The following TBC1D5 variants were observed in gnomAD, a reference collection of about 807,000 sequenced individuals.
TBC1D5 encodes the protein TBC1 domain family, member 5.
In TBC1D5, 75 loss-of-function variants were observed where a neutral mutation model predicts 100.3. That is an observed-to-expected ratio of 0.75 (90% confidence interval 0.62 to 0.91). TBC1D5 has a LOEUF of 0.91. Among genes scored for constraint, TBC1D5 ranks in the 40% least tolerant of loss-of-function variants. The probability of loss-of-function intolerance (pLI) is 0.00; values close to 1 mark genes in which losing one functional copy is unlikely to be tolerated. For missense variants in TBC1D5, 910 were observed against 942.4 expected, an observed-to-expected ratio of 0.97 and a Z score of 0.45; for synonymous variants, 323 against 325.6, an observed-to-expected ratio of 0.99 and a Z score of 0.09.
intron 13 of TBC1D5, among the ~76,000 whole-genome samples, chr3:17,328,103 C>T (rs1253889570): frequency 6.6e-6 from 1 of 151,884 alleles, no homozygotes; most frequent in Non-Finnish European, 1.5e-5. Flanking sequence ...GACACTGTAT[C>T]TACAAAAATT....
intron 13 of TBC1D5, among the ~76,000 whole-genome samples, chr3:17,329,214 A>C (rs2086579734): frequency 6.6e-6 from 1 of 152,186 alleles, no homozygotes; most frequent in African/African-American, 2.4e-5. Flanking sequence ...TGATAACTTG[A>C]TTACTTCAGA....
intron 3 of TBC1D5, among the ~76,000 whole-genome samples, chr3:17,470,790 C>T (rs13058774): frequency 0.12 from 18,911 of 151,904 alleles, 1,643 homozygotes; most frequent in Non-Finnish European, 0.19. Flanking sequence ...GGTGTGGTGG[C>T]GGGCACCTGT....
At position 17,170,533 on chromosome 3, in the gene TBC1D5, C is replaced by T. The variant is rs776799272; in HGVS notation, c.1853-2705G>A. Among the ~76,000 whole-genome samples the T allele has an allele frequency of 3.9e-5, 6 of 152,288 alleles. No homozygotes were observed. The East Asian group carries it at 7.7e-4, about 20-fold the overall frequency. ...TCCTGCTTGCCTCTTTGATAGTCTG[C>T]TGTGGAACACATCCTAAAACGAAAA... On this transcript the variant is annotated intron_variant, in intron 19 of 21. Transcript: ENST00000253692.
chr3:17,225,194 T>C (rs2074721765), intron 17 of TBC1D5, among the ~76,000 whole-genome samples: 1 of 151,976 alleles, frequency 6.6e-6, no homozygotes, highest in Non-Finnish European at 1.5e-5. Flanking sequence ...ATCCCAGCAC[T>C]TTGGGAGGCC....
At chr3:17,316,772 T>C (rs572554422) in intron 13 of TBC1D5, among the ~76,000 whole-genome samples, 3 of 152,318 alleles carry the variant, frequency 2.0e-5, no homozygotes, top group African/African-American at 7.2e-5. Context: ...GCAATACTCA[T>C]CTTCACTGAC....
rs148278909 is a variant in TBC1D5 at position 17,616,157 on chromosome 3, T to C, written c.-36+7692A>G. On this transcript the variant is annotated intron_variant, in intron 2 of 21. Transcript: ENST00000253692. ...CATTTCGTTATTTACCCAGTAGTCA[T>C]TCAGGAGCAAATTGTTCAGTTTCCA... 3.7e-3 allele frequency among the ~76,000 whole-genome samples: 566 copies of C among 152,344 alleles called. 2 individuals carry two copies. Among genetic ancestry groups the C allele is most frequent in the Non-Finnish European group, 6.0e-3 (406 of 68,022 alleles).
chr3:17,403,114 G>C (rs1367999020), intron 8 of TBC1D5, 67 bp downstream of exon 8: 8 of 1,368,758 alleles, frequency 5.8e-6, no homozygotes, highest in Non-Finnish European at 6.9e-6. Context: ...TTTGTGTTTT[G>C]TTAAAATTAG....
At chr3:17,625,041 A>G (rs565263734) in intron 1 of TBC1D5, among the ~76,000 whole-genome samples, 33 of 152,220 alleles carry the variant, frequency 2.2e-4, no homozygotes, top group Admixed American at 1.2e-3. Context: ...ATATGTTTAA[A>G]TAATTTTACC....
At chr3:17,242,494 T>C (rs1431188987) in intron 16 of TBC1D5, among the ~76,000 whole-genome samples, 1 of 152,028 alleles carries the variant, frequency 6.6e-6, no homozygotes, top group African/African-American at 2.4e-5. Flanking sequence ...TTATTTCTTT[T>C]CCTTGTGTTT....
chr3:17,681,562 CG>C (rs898546741), intron 1 of TBC1D5, among the ~76,000 whole-genome samples: 1 of 151,514 alleles, frequency 6.6e-6, no homozygotes, highest in Non-Finnish European at 1.5e-5. Flanking sequence ...TAGTTGTTTT[CG>C]GAAATGTTTT....
intron 8 of TBC1D5, among the ~76,000 whole-genome samples, chr3:17,391,213 T>C (rs1408680503): frequency 6.6e-6 from 1 of 152,132 alleles, no homozygotes; most frequent in Non-Finnish European, 1.5e-5. Flanking sequence ...AAAAACGACA[T>C]AGCTTCTACA....
At chr3:17,160,046 AACTG>A (rs917275339) in exon 22 of TBC1D5, 4 of 151,640 alleles carry the variant, frequency 2.6e-5, no homozygotes, top group South Asian at 2.1e-4. Flanking sequence ...CTGACTAGAA[AACTG>A]ACTGTCTGAA....
chr3:17,326,537 A>G (rs917477145), intron 13 of TBC1D5, among the ~76,000 whole-genome samples: 1 of 152,190 alleles, frequency 6.6e-6, no homozygotes, highest in African/African-American at 2.4e-5. Context: ...TAGCTGTACA[A>G]TCATGGCTTA....
chr3:17,698,847 C>A (rs1474741937), intron 1 of TBC1D5, among the ~76,000 whole-genome samples: 97 of 139,920 alleles, frequency 6.9e-4, no homozygotes, highest in Non-Finnish European at 1.3e-3. Flanking sequence ...CATGAGATAT[C>A]ATCTCACACC....
At chr3:17,552,173 G>A (rs527466931) in intron 2 of TBC1D5, among the ~76,000 whole-genome samples, 3 of 151,244 alleles carry the variant, frequency 2.0e-5, no homozygotes, top group South Asian at 2.1e-4. Flanking sequence ...TTAACACAAG[G>A]ACCTATGATC....
At chr3:17,718,337 T>A (rs937458366) in intron 1 of TBC1D5, among the ~76,000 whole-genome samples, 10 of 152,200 alleles carry the variant, frequency 6.6e-5, no homozygotes, top group Admixed American at 2.6e-4. Flanking sequence ...GGCTCACGCC[T>A]GTAATCCCAG....
chr3:17,687,651 A>T (rs1169380192), intron 1 of TBC1D5, among the ~76,000 whole-genome samples: 1 of 152,124 alleles, frequency 6.6e-6, no homozygotes, highest in East Asian at 1.9e-4. Flanking sequence ...ATTCAAAGTC[A>T]CCTCATATTC....
Position 17,382,260 on chromosome 3 carries a change from G to T in TBC1D5, c.612+1653C>A, listed in dbSNP as rs532424896. Among the ~76,000 whole-genome samples, 6 of 152,100 alleles carry T rather than the reference G, an allele frequency of 3.9e-5. No homozygotes were observed. The South Asian group carries it at 1.0e-3, about 26-fold the overall frequency. On this transcript the variant is annotated intron_variant, in intron 9 of 21. Coordinates refer to ENST00000253692, the Ensembl canonical transcript of TBC1D5. ...AAAGATTAAAAAGGTTAAGTAAATT[G>T]TCTAAGATTGTGAAGTTAGTAAATG...
chr3:17,597,531 G>C (rs1297942317), intron 2 of TBC1D5, among the ~76,000 whole-genome samples: 1 of 152,002 alleles, frequency 6.6e-6, no homozygotes, highest in Non-Finnish European at 1.5e-5. Context: ...TGGGAAACTT[G>C]GTTTACATTA....
Sources: gnomAD v4.1 joint callset for allele counts (sites outside exome capture counted in the v4.1 genomes callset) on GRCh38, gnomAD v4.1.1 for gene constraint, MANE v1.5 for transcripts, NCBI Gene and HGNC (gene_info 2026-07-23, HGNC 2026-07-21) for gene names.